TCP10L: variants seen among roughly 807,000 people sequenced by gnomAD.
TCP10L encodes the protein T-complex protein 10A homolog 1.
TCP10L carries 11 observed loss-of-function variants against 19.2 expected under a neutral mutation model. The ratio of observed to expected loss-of-function variants is 0.57; its 90% CI spans 0.36 to 0.95. The LOEUF (loss-of-function observed/expected upper bound fraction) is 0.95, where lower values mean the gene tolerates loss of function less well. TCP10L is among the 40% of genes least tolerant of loss of function. The pLI is 0.01. For synonymous variants in TCP10L, 96 were observed against 97.2 expected, an observed-to-expected ratio of 0.99 and a Z score of 0.07; for missense variants, 247 against 263.9, an observed-to-expected ratio of 0.94 and a Z score of 0.44.
At chr21:32,579,883 C>A (rs1193103676) in intron 3 of TCP10L, among the ~76,000 whole-genome samples, 2 of 152,120 alleles carry the variant, frequency 1.3e-5, no homozygotes, top group African/African-American at 2.4e-5. Flanking sequence ...CAATTTCCCC[C>A]ACTCTTCCTC....
rs1345224736 is a variant in TCP10L at position 32,584,248 on chromosome 21, G to T, written c.57C>A (p.Asp19Glu). The stretch of plus-strand genomic sequence containing the variant: ...TGACAGCCCCAGCTCCTGGGCACGG[G>T]TCCTCTGGGTGGGTGCCCTCTTTGG... ...RDPKEGTHPE[D>E]PCPGAGAVME... The change falls in exon 2 of 5, where the codon GAC (aspartate) becomes GAA (glutamate). Residue 19 changes from aspartate to glutamate, a missense_variant. By Grantham distance (45) the Asp-to-Glu change is conservative (BLOSUM62 2). Coordinates refer to ENST00000300258, the MANE Select transcript of TCP10L (RefSeq NM_144659.7). 5.0e-6 allele frequency: 8 copies of T among 1,614,004 alleles called. No homozygotes were observed. Among genetic ancestry groups the T allele is most frequent in the Non-Finnish European group, 6.8e-6 (8 of 1,180,014 alleles).
intron 3 of TCP10L, among the ~76,000 whole-genome samples, chr21:32,581,276 C>T (rs189433113): frequency 5.3e-5 from 8 of 152,326 alleles, no homozygotes; most frequent in Admixed American, 3.9e-4. Flanking sequence ...TGCCTTCCCA[C>T]TCCATCTCCC....
rs139598814 is a variant in TCP10L, at chr21:32,576,788, G to A, written c.634C>T (p.Arg212Trp). The change falls in exon 5 of 5, where the codon CGG becomes TGG. Residue 212 changes from arginine to tryptophan, a missense_variant. Transcript: ENST00000300258. ...TGRPTPCAERRGGV is the reference protein window; with the variant it reads ...TGRPTPCAERWGGV ...CCTTTCCATCTTCAGACACCCCCCC[G>A]TCTCTCTGCACAGGGAGTTGGCCTT... 338 of 1,613,354 alleles carry A rather than the reference G, an allele frequency of 2.1e-4. 3 individuals are homozygous for A. In the East Asian group the frequency reaches 6.8e-3, roughly 32 times the overall value.
chr21:32,583,718 G>A lies in TCP10L; in HGVS notation c.144+443C>T, dbSNP rs547215757. Among the ~76,000 whole-genome samples the A allele has an allele frequency of 1.1e-4, 16 of 152,228 alleles. No individual in the cohort carries two copies. The East Asian group carries it at 1.5e-3, about 15-fold the overall frequency. ...CCTTGCTCTGAGAATAAGTGGGATC[G>A]TGATAAAGGTACAGTCCTGCACTGG... On this transcript the variant is annotated intron_variant, in intron 2 of 4. Coordinates refer to ENST00000300258, the MANE Select transcript of TCP10L (RefSeq NM_144659.7).
chr21:32,581,902 A>G (rs1021877702), intron 3 of TCP10L, among the ~76,000 whole-genome samples: 12 of 152,152 alleles, frequency 7.9e-5, no homozygotes, highest in African/African-American at 2.9e-4. Context: ...GTCCACAGTA[A>G]GGGTTTGCTG....
Position 32,574,366 on chromosome 21 carries a change from T to C in TCP10L, c.*2408A>G, listed in dbSNP as rs1434556755. ...GCTAAATGCAACCAACTTAAATCTA[T>C]AAAAGAAAGTCTCTGTTTGAAAGGC... On this transcript the variant is annotated 3_prime_UTR_variant, in exon 5 of 5. Transcript: ENST00000300258. 1.3e-5 allele frequency among the ~76,000 whole-genome samples: 2 copies of C among 152,202 alleles called. No homozygotes were observed. Among genetic ancestry groups the C allele is most frequent in the Non-Finnish European group, 2.9e-5 (2 of 68,026 alleles).
At position 32,585,452 on chromosome 21, in the gene TCP10L, A is replaced by G; in HGVS notation, c.-33T>C. On this transcript the variant is annotated 5_prime_UTR_variant, in exon 1 of 5. An upstream open reading frame in the 5' UTR loses its in-frame stop. Coordinates refer to ENST00000300258, the MANE Select transcript of TCP10L (RefSeq NM_144659.7). ...CCCAACAGTCACTACTGCCAGGATC[A>G]GATCATCTGGGCCATGTCCCCACAG... 1 of 162,650 alleles carries G rather than the reference A, an allele frequency of 6.1e-6. No homozygotes were observed. The highest frequency in any genetic ancestry group is 1.4e-5 in the Non-Finnish European group (1 of 73,372). 10.1% of individuals were successfully genotyped at this position (162,650 alleles called of 1,614,324 possible).
chr21:32,576,166 G>T lies in TCP10L; in HGVS notation c.*608C>A. The T allele has an allele frequency of 9.0e-7, 1 of 1,112,774 alleles. No homozygotes were observed. 68.9% of individuals were successfully genotyped at this position (1,112,774 alleles called of 1,614,324 possible). A position where few individuals can be genotyped will look rare whatever the true frequency, so the allele number is the denominator to read the frequency against. Reference sequence around the variant, plus strand: ...TCACGCGTATCCACGAGAAAGCCCCGCATTTCACGGGGAGCATAGAAACAG... The same window carrying T: ...TCACGCGTATCCACGAGAAAGCCCCTCATTTCACGGGGAGCATAGAAACAG... On this transcript the variant is annotated 3_prime_UTR_variant, in exon 5 of 5. Coordinates refer to ENST00000300258, the MANE Select transcript of TCP10L (RefSeq NM_144659.7).
At chr21:32,583,568 G>A (rs892554828) in intron 2 of TCP10L, among the ~76,000 whole-genome samples, 34 of 130,876 alleles carry the variant, frequency 2.6e-4, no homozygotes, top group Admixed American at 1.4e-3. Context: ...CAGCCTGGGC[G>A]ACAGAGCGAG....
Position 32,582,343 on chromosome 21 carries a change from C to A in TCP10L, c.217G>T (p.Gly73Ter), listed in dbSNP as rs1252745956. Reference protein sequence around the residue: ...RQKSLWADVHGKLRSHIDALR... With the variant: ...RQKSLWADVH ...GCATCTATATGACTCCGGAGTTTTCCATGAACATCAGCCCACAGAGACTTC... is the reference window on the plus strand; with the variant it reads ...GCATCTATATGACTCCGGAGTTTTCAATGAACATCAGCCCACAGAGACTTC... The change falls in exon 3 of 5, where the codon GGA becomes TGA. Residue 73 changes from glycine (G) to a stop codon, truncating the protein, a stop_gained. Transcript: ENST00000300258. LOFTEE classifies it high-confidence loss of function. The surrounding 1 kb of genome is among the most constrained non-coding windows in gnomAD (Gnocchi z 4.2). 2 of 1,613,890 alleles carry A rather than the reference C, an allele frequency of 1.2e-6. No homozygotes were observed. The highest frequency in any genetic ancestry group is 3.3e-5 in the Admixed American group (2 of 59,982).
intron 3 of TCP10L, among the ~76,000 whole-genome samples, chr21:32,580,103 G>C (rs1280481058): frequency 6.6e-6 from 1 of 151,970 alleles, no homozygotes. Context: ...AGTTTTTTTT[G>C]TTTGTTTGTT....
At position 32,582,111 on chromosome 21, in the gene TCP10L, C is replaced by G. The variant is rs900770441; in HGVS notation, c.360+89G>C. On this transcript the variant is annotated intron_variant, in intron 3 of 4. Transcript: ENST00000300258. The surrounding 1 kb of genome is among the most constrained non-coding windows in gnomAD (Gnocchi z 4.2). ...ACCACCCGGAGCGTGAGTGATACCG[C>G]GTCATTCAGCAATAAAGCCCACATC... is the stretch of plus-strand genomic sequence containing the variant. The G allele has an allele frequency of 6.9e-7, 1 of 1,444,110 alleles. No homozygotes were observed. The highest frequency in any genetic ancestry group is 9.5e-7 in the Non-Finnish European group (1 of 1,048,414). The allele number at this position is 1,444,110 out of a possible 1,614,324, so 89.5% of individuals were successfully genotyped here.
chr21:32,581,559 G>A (rs1157452051), intron 3 of TCP10L, among the ~76,000 whole-genome samples: 3 of 152,140 alleles, frequency 2.0e-5, no homozygotes, highest in East Asian at 1.9e-4. Flanking sequence ...CTGCCGTGGG[G>A]TCAGAGCCCC....
rs1052725225 is a variant in TCP10L, at chr21:32,577,948, A to G, written c.498+746T>C. ...ATGGGAAACAAAGGGATGGGCCAAA[A>G]CAAAGGGATGGGCTCTGGCTAGATA... On this transcript the variant is annotated intron_variant, in intron 4 of 4. Coordinates refer to ENST00000300258, the MANE Select transcript of TCP10L (RefSeq NM_144659.7). Among the ~76,000 whole-genome samples, 3 of 152,226 alleles carry G rather than the reference A, an allele frequency of 2.0e-5. No individual in the cohort carries two copies. In the South Asian group the frequency reaches 6.2e-4, roughly 31 times the overall value.
intron 1 of TCP10L, among the ~76,000 whole-genome samples, chr21:32,585,055 G>A (rs1238748836): frequency 2.0e-5 from 3 of 152,170 alleles, no homozygotes; most frequent in African/African-American, 7.2e-5. Flanking sequence ...GTCCGTTTTA[G>A]GAAGCCAGTG....
intron 1 of TCP10L, among the ~76,000 whole-genome samples, chr21:32,585,026 T>C (rs902670005): frequency 6.6e-6 from 1 of 152,188 alleles, no homozygotes; most frequent in African/African-American, 2.4e-5. Flanking sequence ...GAAAGCTGCC[T>C]CCACCCCTGC....
chr21:32,582,101 A>C lies in TCP10L; in HGVS notation c.360+99T>G. The C allele has an allele frequency of 1.5e-6, 2 of 1,358,718 alleles. No homozygotes were observed. The highest frequency in any genetic ancestry group is 2.0e-6 in the Non-Finnish European group (2 of 978,184). 84.2% of individuals were successfully genotyped at this position (1,358,718 alleles called of 1,614,324 possible). On this transcript the variant is annotated intron_variant, in intron 3 of 4. Coordinates refer to ENST00000300258, the MANE Select transcript of TCP10L (RefSeq NM_144659.7). The surrounding 1 kb of genome is among the most constrained non-coding windows in gnomAD (Gnocchi z 4.2). Reference sequence around the variant, plus strand: ...AACCCCTCCCACCACCCGGAGCGTGAGTGATACCGCGTCATTCAGCAATAA... The same window carrying C: ...AACCCCTCCCACCACCCGGAGCGTGCGTGATACCGCGTCATTCAGCAATAA...
chr21:32,579,093 G>C (rs2038465318), intron 3 of TCP10L, among the ~76,000 whole-genome samples: 1 of 152,162 alleles, frequency 6.6e-6, no homozygotes, highest in Admixed American at 6.5e-5. Flanking sequence ...GGATCCCAAA[G>C]GCTACAGAAC....
At position 32,578,708 on chromosome 21, in the gene TCP10L, A is replaced by G; in HGVS notation, c.484T>C (p.Ser162Pro). The G allele has an allele frequency of 6.2e-7, 1 of 1,613,976 alleles. No homozygotes were observed. Among genetic ancestry groups the G allele is most frequent in the Non-Finnish European group, 8.5e-7 (1 of 1,179,992 alleles). The change falls in exon 4 of 5, where the codon TCA (serine) becomes CCA (proline). Residue 162 changes from serine (S) to proline (P), a missense_variant. Transcript: ENST00000300258. This position sits in a 1 kb window ranked among gnomAD's most constrained non-coding sequence, Gnocchi z 4.2. ...LLGQRSSSNN[S>P]APPKPMSLKI... ...CAAAGGGTCACCTTTGGAGGAGCTG[A>G]ATTGTTAGATGACGATCTTTGTCCC...
Sources: gnomAD v4.1 joint callset for allele counts (sites outside exome capture counted in the v4.1 genomes callset) on GRCh38, gnomAD v4.1.1 for gene constraint, Gnocchi (gnomAD v3.1) non-coding constraint, MANE v1.5 for transcripts, NCBI Gene and HGNC (gene_info 2026-07-23, HGNC 2026-07-21) for gene names.